FOXD2: variants seen among roughly 807,000 people sequenced by gnomAD.
The protein encoded by FOXD2 is forkhead box protein D2.
FOXD2 carries 4 observed loss-of-function variants against 6.4 expected under a neutral mutation model. The ratio of observed to expected loss-of-function variants is 0.62; its 90% CI spans 0.31 to 1.42. FOXD2 has a LOEUF of 1.42. Among genes scored for constraint, FOXD2 ranks in the 40% most tolerant of loss-of-function variants. The pLI, the probability that FOXD2 is intolerant of heterozygous loss-of-function variation, is 0.08. For synonymous variants in FOXD2, 393 were observed against 373.6 expected (o/e 1.05, Z -0.60); for missense variants, 709 against 766.8 (o/e 0.92, Z 0.89).
Position 47,439,153 on chromosome 1 carries a change from G to A in FOXD2, c.1018G>A (p.Ala340Thr). The A allele has an allele frequency of 1.4e-6, 2 of 1,455,416 alleles. No individual in the cohort carries two copies. Among genetic ancestry groups the A allele is most frequent in the Admixed American group, 2.6e-5 (1 of 38,588 alleles). 90.2% of individuals were successfully genotyped at this position (1,455,416 alleles called of 1,614,324 possible). Residue 340 changes from alanine to threonine, a missense_variant, in exon 1 of 1, where the codon GCC becomes ACC. Around this residue, in one of 5 missense-constraint regions of FOXD2, gnomAD observed 322 missense variants for 313.8 expected, o/e 1.03. Coordinates refer to ENST00000334793, the MANE Select transcript of FOXD2 (RefSeq NM_004474.4). ...GAGSAPAPAP[A>T]SGSGPGPGPA... The stretch of plus-strand genomic sequence containing the variant: ...GGGATCGGCCCCAGCTCCTGCGCCT[G>A]CCTCAGGCTCGGGCCCGGGCCCGGG...
chr1:47,439,128 G>C lies in FOXD2; in HGVS notation c.993G>C (p.Ala331=), dbSNP rs1461193743. ...GPPTASVFAG[A]GSAPAPAPAS... ...CGACGGCCTCGGTGTTCGCAGGCGC[G>C]GGATCGGCCCCAGCTCCTGCGCCTG... The change falls in exon 1 of 1, where the codon GCG becomes GCC. Residue 331 remains alanine (A), a synonymous_variant. Coordinates refer to ENST00000334793, the MANE Select transcript of FOXD2 (RefSeq NM_004474.4). The C allele has an allele frequency of 2.1e-6, 3 of 1,459,374 alleles. No individual in the cohort carries two copies. Among genetic ancestry groups the C allele is most frequent in the Non-Finnish European group, 2.7e-6 (3 of 1,111,396 alleles). The allele number at this position is 1,459,374 out of a possible 1,614,324, so 90.4% of individuals were successfully genotyped here.
In FOXD2 at chr1:47,439,211, A is replaced by G. The variant is rs2124084501; in HGVS notation, c.1076A>G (p.Glu359Gly). ...GGCCTGCCCGCCTTCCTGGGCGCGG[A>G]GCTGGGCTGCGCCAAAGCCTTCTAC... Reference protein sequence around the residue: ...PAGLPAFLGAELGCAKAFYAA... With the variant: ...PAGLPAFLGAGLGCAKAFYAA... The change falls in exon 1 of 1, where the codon GAG becomes GGG. Residue 359 changes from glutamate to glycine, a missense_variant. By Grantham distance (98) the Glu-to-Gly change is moderately conservative. Around this residue, in one of 5 missense-constraint regions of FOXD2, gnomAD observed 322 missense variants for 313.8 expected, o/e 1.03. Coordinates refer to ENST00000334793, the MANE Select transcript of FOXD2 (RefSeq NM_004474.4). The G allele has an allele frequency of 1.4e-6, 2 of 1,468,026 alleles. No homozygotes were observed. The highest frequency in any genetic ancestry group is 2.7e-5 in the Admixed American group (1 of 37,674). The allele number at this position is 1,468,026 out of a possible 1,614,324, so 90.9% of individuals were successfully genotyped here. A position where few individuals can be genotyped will look rare whatever the true frequency, so the allele number is the denominator to read the frequency against.
Position 47,439,240 on chromosome 1 carries a change from G to C in FOXD2, c.1105G>C (p.Ala369Pro). 1 of 1,500,468 alleles carries C rather than the reference G, an allele frequency of 6.7e-7. No individual in the cohort carries two copies. Among genetic ancestry groups the C allele is most frequent in the Admixed American group, 2.2e-5 (1 of 44,468 alleles). 92.9% of individuals were successfully genotyped at this position (1,500,468 alleles called of 1,614,324 possible). A position where few individuals can be genotyped will look rare whatever the true frequency, so the allele number is the denominator to read the frequency against. The change falls in exon 1 of 1, where the codon GCG (alanine) becomes CCG (proline). Residue 369 changes from alanine (A) to proline (P), a missense_variant. Transcript: ENST00000334793. Reference sequence around the variant, plus strand: ...GGGCTGCGCCAAAGCCTTCTACGCGGCGTCCCTGAGTCCTCCCGCAGCCGG... The same window carrying C: ...GGGCTGCGCCAAAGCCTTCTACGCGCCGTCCCTGAGTCCTCCCGCAGCCGG... ...ELGCAKAFYAASLSPPAAGTA... is the reference protein window; with the variant it reads ...ELGCAKAFYAPSLSPPAAGTA...
Position 47,438,148 on chromosome 1 carries a change from AGC to A in FOXD2, c.14_15del (p.Ser5MetfsTer486). On this transcript the variant is annotated frameshift_variant, in exon 1 of 1. Transcript: ENST00000334793. LOFTEE classifies it low-confidence loss of function (END_TRUNC). MTLG[S>X]CCCEIMSSES... ...CGGCAGCGGCACCATGACCCTGGGC[AGC>A]TGCTGCTGCGAGATCATGTCCTCCG... 1 of 1,454,828 alleles carries A rather than the reference AGC, an allele frequency of 6.9e-7. No individual in the cohort carries two copies. Among genetic ancestry groups the A allele is most frequent in the Non-Finnish European group, 9.0e-7 (1 of 1,108,134 alleles). 90.1% of individuals were successfully genotyped at this position (1,454,828 alleles called of 1,614,324 possible).
rs1281127376 is a variant in FOXD2, at chr1:47,439,221, C to A, written c.1086C>A (p.Cys362Ter). The A allele has an allele frequency of 6.7e-7, 1 of 1,483,854 alleles. No individual in the cohort carries two copies. The highest frequency in any genetic ancestry group is 8.9e-7 in the Non-Finnish European group (1 of 1,129,066). 91.9% of individuals were successfully genotyped at this position (1,483,854 alleles called of 1,614,324 possible). Reference sequence around the variant, plus strand: ...CCTTCCTGGGCGCGGAGCTGGGCTGCGCCAAAGCCTTCTACGCGGCGTCCC... The same window carrying A: ...CCTTCCTGGGCGCGGAGCTGGGCTGAGCCAAAGCCTTCTACGCGGCGTCCC... ...LPAFLGAELG[C>*]AKAFYAASLS... Residue 362 changes from cysteine (C) to a stop codon, truncating the protein, a stop_gained, in exon 1 of 1, where the codon TGC becomes TGA. Coordinates refer to ENST00000334793, the MANE Select transcript of FOXD2 (RefSeq NM_004474.4). LOFTEE classifies it high-confidence loss of function.
chr1:47,439,347 CG>C lies in FOXD2; in HGVS notation c.1216del (p.Ala406GlnfsTer9). The C allele has an allele frequency of 6.7e-7, 1 of 1,490,710 alleles. No homozygotes were observed. The highest frequency in any genetic ancestry group is 8.8e-7 in the Non-Finnish European group (1 of 1,134,586). 92.3% of individuals were successfully genotyped at this position (1,490,710 alleles called of 1,614,324 possible). A position where few individuals can be genotyped will look rare whatever the true frequency, so the allele number is the denominator to read the frequency against. On this transcript the variant is annotated frameshift_variant, in exon 1 of 1. Coordinates refer to ENST00000334793, the MANE Select transcript of FOXD2 (RefSeq NM_004474.4). LOFTEE classifies it high-confidence loss of function. ...GCGGTGGTGCAGGCGGCGGGGGCGC[CG>C]GGGCAGGGCAGAGGCCTTCCTTCTC... ...AGGGAGGGGAGAGQRPSFSID... is the reference protein window; with the variant it reads ...AGGGAGGGGAXAGQRPSFSID...
At position 47,439,690 on chromosome 1, in the gene FOXD2, A is replaced by G; in HGVS notation, c.*67A>G. On this transcript the variant is annotated 3_prime_UTR_variant, in exon 1 of 1. Coordinates refer to ENST00000334793, the MANE Select transcript of FOXD2 (RefSeq NM_004474.4). ...CTCTCCCGGGAGTTCCTGCGGTCCCAGCGGAACTCAGGGAGTCTATTTATG... is the reference window on the plus strand; with the variant it reads ...CTCTCCCGGGAGTTCCTGCGGTCCCGGCGGAACTCAGGGAGTCTATTTATG... 7.0e-7 allele frequency: 1 copy of G among 1,421,238 alleles called. No homozygotes were observed. Among genetic ancestry groups the G allele is most frequent in the Non-Finnish European group, 9.6e-7 (1 of 1,046,170 alleles). 88.0% of individuals were successfully genotyped at this position (1,421,238 alleles called of 1,614,324 possible). A position where few individuals can be genotyped will look rare whatever the true frequency, so the allele number is the denominator to read the frequency against.
At position 47,438,893 on chromosome 1, in the gene FOXD2, C is replaced by T; in HGVS notation, c.758C>T (p.Pro253Leu). 1 of 1,557,588 alleles carries T rather than the reference C, an allele frequency of 6.4e-7. No individual in the cohort carries two copies. The highest frequency in any genetic ancestry group is 1.4e-5 in the African/African-American group (1 of 72,458). The change falls in exon 1 of 1, where the codon CCC becomes CTC. Residue 253 changes from proline to leucine, a missense_variant. This residue lies in a region of FOXD2 where 98 missense variants were observed against 91.0 expected (regional missense o/e 1.08). Transcript: ENST00000334793. ...GGCGGGGCCGCGGCGGCGGGGGATC[C>T]CGGCGCTTTCCTGCCCGGCTTCGCT... ...LRGGAAAAGD[P>L]GAFLPGFAAY...
In FOXD2 at chr1:47,440,402, T is replaced by A. The variant is rs1367682193; in HGVS notation, c.*779T>A. 1 of 167,020 alleles carries A rather than the reference T, an allele frequency of 6.0e-6. No homozygotes were observed. The highest frequency in any genetic ancestry group is 1.5e-5 in the Non-Finnish European group (1 of 68,128). The allele number at this position is 167,020 out of a possible 1,614,324, so 10.3% of individuals were successfully genotyped here. On this transcript the variant is annotated 3_prime_UTR_variant, in exon 1 of 1. Transcript: ENST00000334793. The stretch of plus-strand genomic sequence containing the variant: ...CAGGCCCTGTGATATTTATTGTGGC[T>A]AAAGGCAATGAGATTGGGTGGAAGA...
Position 47,438,277 on chromosome 1 carries a change from C to T in FOXD2, c.142C>T (p.Pro48Ser). ...ELPARSGPRA[P>S]RDVLPHGHEP... ...CCCAGCTCGCTCCGGGCCCCGCGCC[C>T]CCCGGGACGTGCTCCCCCACGGCCA... Residue 48 changes from proline (P) to serine (S), a missense_variant, in exon 1 of 1, where the codon CCC becomes TCC. By Grantham distance (74) the Pro-to-Ser change is moderately conservative. Coordinates refer to ENST00000334793, the MANE Select transcript of FOXD2 (RefSeq NM_004474.4). 2 of 1,349,214 alleles carry T rather than the reference C, an allele frequency of 1.5e-6. No individual in the cohort carries two copies. The highest frequency in any genetic ancestry group is 1.9e-6 in the Non-Finnish European group (2 of 1,053,606). 83.6% of individuals were successfully genotyped at this position (1,349,214 alleles called of 1,614,324 possible). A position where few individuals can be genotyped will look rare whatever the true frequency, so the allele number is the denominator to read the frequency against.
rs570422403 is a variant in FOXD2 at position 47,440,367 on chromosome 1, C to CA, written c.*745dup. ...CCGGCCAGCAACCCTGTCAGTGTTC[C>CA]ACCCTGTCCCAGGCCCTGTGATATT... is the stretch of plus-strand genomic sequence containing the variant. On this transcript the variant is annotated 3_prime_UTR_variant, in exon 1 of 1. Transcript: ENST00000334793. 2.0e-3 allele frequency: 332 copies of CA among 167,124 alleles called. 3 individuals carry two copies. Among genetic ancestry groups the CA allele is most frequent in the Admixed American group, 6.0e-3 (92 of 15,312 alleles). The allele number at this position is 167,124 out of a possible 1,614,324, so 10.4% of individuals were successfully genotyped here. A position where few individuals can be genotyped will look rare whatever the true frequency, so the allele number is the denominator to read the frequency against.
At position 47,439,127 on chromosome 1, in the gene FOXD2, C is replaced by G. The variant is rs12747709; in HGVS notation, c.992C>G (p.Ala331Gly). ...CCGACGGCCTCGGTGTTCGCAGGCG[C>G]GGGATCGGCCCCAGCTCCTGCGCCT... ...GPPTASVFAG[A>G]GSAPAPAPAS... is the part of the protein sequence containing the mutation. The change falls in exon 1 of 1, where the codon GCG becomes GGG. Residue 331 changes from alanine to glycine, a missense_variant. Ala to Gly is a moderately conservative substitution (Grantham distance 60). Transcript: ENST00000334793. 2 of 1,459,582 alleles carry G rather than the reference C, an allele frequency of 1.4e-6. No individual in the cohort carries two copies. The highest frequency in any genetic ancestry group is 2.9e-5 in the African/African-American group (2 of 67,904). The allele number at this position is 1,459,582 out of a possible 1,614,324, so 90.4% of individuals were successfully genotyped here. A position where few individuals can be genotyped will look rare whatever the true frequency, so the allele number is the denominator to read the frequency against.
In FOXD2 at chr1:47,439,681, T is replaced by A. The variant is rs1646997631; in HGVS notation, c.*58T>A. The A allele has an allele frequency of 6.8e-7, 1 of 1,467,232 alleles. No homozygotes were observed. Among genetic ancestry groups the A allele is most frequent in the Non-Finnish European group, 9.2e-7 (1 of 1,086,120 alleles). 90.9% of individuals were successfully genotyped at this position (1,467,232 alleles called of 1,614,324 possible). ...CTCCTCAGCCTCTCCCGGGAGTTCC[T>A]GCGGTCCCAGCGGAACTCAGGGAGT... On this transcript the variant is annotated 3_prime_UTR_variant, in exon 1 of 1. Transcript: ENST00000334793.
Position 47,438,186 on chromosome 1 carries a change from G to A in FOXD2, c.51G>A (p.Pro17=), listed in dbSNP as rs1171559202. The A allele has an allele frequency of 2.7e-6, 4 of 1,465,812 alleles. No homozygotes were observed. Among genetic ancestry groups the A allele is most frequent in the Non-Finnish European group, 3.6e-6 (4 of 1,114,536 alleles). 90.8% of individuals were successfully genotyped at this position (1,465,812 alleles called of 1,614,324 possible). A position where few individuals can be genotyped will look rare whatever the true frequency, so the allele number is the denominator to read the frequency against. Residue 17 remains proline, a synonymous_variant, in exon 1 of 1, where the codon CCG becomes CCA. Coordinates refer to ENST00000334793, the MANE Select transcript of FOXD2 (RefSeq NM_004474.4). ...CCEIMSSESS[P]AALSEADADI... Reference sequence around the variant, plus strand: ...AGATCATGTCCTCCGAGAGCTCCCCGGCCGCGCTGTCCGAGGCCGACGCAG... The same window carrying A: ...AGATCATGTCCTCCGAGAGCTCCCCAGCCGCGCTGTCCGAGGCCGACGCAG...
At position 47,438,443 on chromosome 1, in the gene FOXD2, C is replaced by A. The variant is rs1486440464; in HGVS notation, c.308C>A (p.Ala103Glu). The A allele has an allele frequency of 1.9e-6, 2 of 1,069,472 alleles. No homozygotes were observed. The highest frequency in any genetic ancestry group is 1.7e-5 in the African/African-American group (1 of 58,646). The allele number at this position is 1,069,472 out of a possible 1,614,324, so 66.2% of individuals were successfully genotyped here. A position where few individuals can be genotyped will look rare whatever the true frequency, so the allele number is the denominator to read the frequency against. Residue 103 changes from alanine to glutamate, a missense_variant, in exon 1 of 1, where the codon GCG (alanine) becomes GAG (glutamate). Transcript: ENST00000334793. ...GGGAGCCCGGGGCCAGGCGCCGCGG[C>A]GGCCCGCGGCGCAGCGGGGCCCGGG... The part of the protein sequence containing the change: ...AAGSPGPGAA[A>E]ARGAAGPGPG...
At position 47,439,430 on chromosome 1, in the gene FOXD2, A is replaced by T. The variant is rs776107769; in HGVS notation, c.1295A>T (p.Glu432Val). 1 of 1,539,610 alleles carries T rather than the reference A, an allele frequency of 6.5e-7. No individual in the cohort carries two copies. The highest frequency in any genetic ancestry group is 1.2e-5 in the South Asian group (1 of 84,252). ...GGGAAPPGAG[E>V]GSPGPPFAAA... is the part of the protein sequence containing the mutation. ...GGGGCAGCACCCCCGGGCGCCGGCG[A>T]GGGCTCTCCGGGACCGCCATTCGCG... The change falls in exon 1 of 1, where the codon GAG becomes GTG. Residue 432 changes from glutamate to valine, a missense_variant. Around this residue, in one of 5 missense-constraint regions of FOXD2, gnomAD observed 322 missense variants for 313.8 expected, o/e 1.03. Transcript: ENST00000334793.
rs1274354686 is a variant in FOXD2, at chr1:47,438,333, C to G, written c.198C>G (p.Asp66Glu). ...HEPPAEEAEA[D>E]LAEDEEESGG... ...CTCCCGCGGAGGAAGCCGAGGCAGA[C>G]TTAGCCGAGGACGAGGAGGAGTCTG... The change falls in exon 1 of 1, where the codon GAC (aspartate) becomes GAG (glutamate). Residue 66 changes from aspartate to glutamate, a missense_variant. Physicochemically the swap from Asp to Glu is conservative, Grantham distance 45. Around this residue, in one of 5 missense-constraint regions of FOXD2, gnomAD observed 220 missense variants for 199.2 expected, o/e 1.10. Coordinates refer to ENST00000334793, the MANE Select transcript of FOXD2 (RefSeq NM_004474.4). 2.3e-6 allele frequency: 3 copies of G among 1,285,152 alleles called. No homozygotes were observed. Among genetic ancestry groups the G allele is most frequent in the African/African-American group, 3.1e-5 (2 of 64,458 alleles). The allele number at this position is 1,285,152 out of a possible 1,614,324, so 79.6% of individuals were successfully genotyped here. A position where few individuals can be genotyped will look rare whatever the true frequency, so the allele number is the denominator to read the frequency against.
Position 47,439,030 on chromosome 1 carries a change from G to A in FOXD2, c.895G>A (p.Ala299Thr). The A allele has an allele frequency of 7.0e-7, 1 of 1,438,834 alleles. No individual in the cohort carries two copies. Among genetic ancestry groups the A allele is most frequent in the East Asian group, 3.1e-5 (1 of 31,890 alleles). 89.1% of individuals were successfully genotyped at this position (1,438,834 alleles called of 1,614,324 possible). The change falls in exon 1 of 1, where the codon GCG becomes ACG. Residue 299 changes from alanine (A) to threonine (T), a missense_variant. Around this residue, in one of 5 missense-constraint regions of FOXD2, gnomAD observed 322 missense variants for 313.8 expected, o/e 1.03. Coordinates refer to ENST00000334793, the MANE Select transcript of FOXD2 (RefSeq NM_004474.4). ...HPHPHAFAFAAAAAAAPCQLS... is the reference protein window; with the variant it reads ...HPHPHAFAFATAAAAAPCQLS... ...GCACCCGCACGCCTTCGCTTTCGCC[G>A]CGGCAGCCGCCGCCGCTCCTTGCCA...
In FOXD2 at chr1:47,438,146, G is replaced by A. The variant is rs1277706069; in HGVS notation, c.11G>A (p.Gly4Asp). 2 of 1,454,596 alleles carry A rather than the reference G, an allele frequency of 1.4e-6. No homozygotes were observed. The highest frequency in any genetic ancestry group is 3.0e-5 in the East Asian group (1 of 33,110). 90.1% of individuals were successfully genotyped at this position (1,454,596 alleles called of 1,614,324 possible). The change falls in exon 1 of 1, where the codon GGC becomes GAC. Residue 4 changes from glycine (G) to aspartate (D), a missense_variant. By Grantham distance (94) the Gly-to-Asp change is moderately conservative. Coordinates refer to ENST00000334793, the MANE Select transcript of FOXD2 (RefSeq NM_004474.4). ...GGCGGCAGCGGCACCATGACCCTGGGCAGCTGCTGCTGCGAGATCATGTCC... is the reference window on the plus strand; with the variant it reads ...GGCGGCAGCGGCACCATGACCCTGGACAGCTGCTGCTGCGAGATCATGTCC... MTL[G>D]SCCCEIMSSE... is the part of the protein sequence containing the mutation.
Sources: gnomAD v4.1 joint callset for allele counts on GRCh38, gnomAD v4.1.1 for gene constraint, gnomAD v4.1.1 regional missense constraint, MANE v1.5 for transcripts, NCBI Gene and HGNC (gene_info 2026-07-23, HGNC 2026-07-21) for gene names.